The following RWDD3 variants were observed in gnomAD, a reference collection of about 807,000 sequenced individuals.
RWDD3 encodes RWD domain-containing protein 3.
Under a neutral mutation model 26.5 loss-of-function variants are expected in RWDD3, and 30 were observed. The ratio of observed to expected loss-of-function variants is 1.13; its 90% CI spans 0.85 to 1.54. RWDD3 has a LOEUF of 1.54. Ranked by LOEUF, RWDD3 falls within the 40% of genes most tolerant of loss-of-function variation. The pLI is 0.00. For missense variants in RWDD3, 296 were observed against 309.1 expected (o/e 0.96, Z 0.32); for synonymous variants, 113 against 114.5 (o/e 0.99, Z 0.09).
chr1:95,244,474 C>G lies in RWDD3; in HGVS notation c.349C>G (p.Gln117Glu), dbSNP rs1183283187. 1.2e-6 allele frequency: 2 copies of G among 1,614,192 alleles called. No homozygotes were observed. Among genetic ancestry groups the G allele is most frequent in the Non-Finnish European group, 1.7e-6 (2 of 1,180,028 alleles). The change falls in exon 2 of 4, where the codon CAA becomes GAA. Residue 117 changes from glutamine (Q) to glutamate (E), a missense_variant. Coordinates refer to ENST00000370202, the MANE Select transcript of RWDD3 (RefSeq NM_015485.5). ...IQQNLRHILS[Q>E]PETGSGSEKC... ...GCAGAATCTCAGGCATATCCTCAGCCAACCAGAAACTGGCAGTGGCAGTGA... is the reference window on the plus strand; with the variant it reads ...GCAGAATCTCAGGCATATCCTCAGCGAACCAGAAACTGGCAGTGGCAGTGA...
chr1:95,237,475 G>A (rs911731716), intron 1 of RWDD3: 3 of 152,200 alleles, frequency 2.0e-5, no homozygotes, highest in Admixed American at 6.5e-5. Flanking sequence ...GATTGAAGAA[G>A]CTAAATAATT....
At chr1:95,234,577 C>T (rs891806483) in intron 1 of RWDD3, among the ~76,000 whole-genome samples, 1 of 152,014 alleles carries the variant, frequency 6.6e-6, no homozygotes, top group Non-Finnish European at 1.5e-5. Context: ...GCCGGGGGCC[C>T]CTGCGTGCGC....
rs1680867703 is a variant in RWDD3 at position 95,246,752 on chromosome 1, G to T, written c.690-4G>T. On this transcript the variant is annotated splice_region_variant and splice_polypyrimidine_tract_variant and intron_variant, in intron 3 of 3. Transcript: ENST00000370202. ...TATTCATGAGTTTCTTTTGTATAAT[G>T]CAGGTTTCTGGCATTTGAAGTCAAA... is the stretch of plus-strand genomic sequence containing the variant. 3 of 1,553,694 alleles carry T rather than the reference G, an allele frequency of 1.9e-6. No individual in the cohort carries two copies. In the African/African-American group the frequency reaches 4.2e-5, roughly 22 times the overall value.
chr1:95,239,197 G>T lies in RWDD3; in HGVS notation c.85+4882G>T, dbSNP rs561516474. On this transcript the variant is annotated intron_variant, in intron 1 of 3. Coordinates refer to ENST00000370202, the MANE Select transcript of RWDD3 (RefSeq NM_015485.5). The stretch of plus-strand genomic sequence containing the variant: ...AGCTTATTAACTAAGGTTCTGGGGG[G>T]CTAAGGAGGGGCAGAGATTAGTATT... 2.6e-4 allele frequency among the ~76,000 whole-genome samples: 40 copies of T among 152,244 alleles called. 1 individual carries two copies. In the South Asian group the frequency reaches 4.8e-3, roughly 18 times the overall value.
At chr1:95,246,720 C>A in intron 3 of RWDD3, 36 bp from the exon 4 acceptor site, 2 of 1,530,442 alleles carry the variant, frequency 1.3e-6, no homozygotes, top group African/African-American at 1.4e-5. Context: ...TCTGACAAAT[C>A]TAGGCATATT....
rs1485548022 is a variant in RWDD3 at position 95,244,390 on chromosome 1, G to A, written c.265G>A (p.Glu89Lys). The part of the protein sequence containing the change: ...QCVTVKENLL[E>K]QAESLLSEPM... ...TGTGACTGTGAAAGAGAATTTACTT[G>A]AGCAAGCAGAGAGCCTTTTGTCGGA... The change falls in exon 2 of 4, where the codon GAG (glutamate) becomes AAG (lysine). Residue 89 changes from glutamate (E) to lysine (K), a missense_variant. Transcript: ENST00000370202. The A allele has an allele frequency of 6.2e-7, 1 of 1,614,150 alleles. No homozygotes were observed. The highest frequency in any genetic ancestry group is 1.1e-5 in the South Asian group (1 of 91,074).
chr1:95,234,293 G>T lies in RWDD3; in HGVS notation c.63G>T (p.Glu21Asp). 6.3e-7 allele frequency: 1 copy of T among 1,597,938 alleles called. No individual in the cohort carries two copies. ...VLAAIFCRPHEWEVLSRSETD... is the reference protein window; with the variant it reads ...VLAAIFCRPHDWEVLSRSETD... ...CCGCGATTTTCTGCAGGCCCCACGAGTGGGAGGTGCTGAGCCGCTCAGGTG... is the reference window on the plus strand; with the variant it reads ...CCGCGATTTTCTGCAGGCCCCACGATTGGGAGGTGCTGAGCCGCTCAGGTG... Residue 21 changes from glutamate to aspartate, a missense_variant, in exon 1 of 4, where the codon GAG becomes GAT. By Grantham distance (45) the Glu-to-Asp change is conservative. Transcript: ENST00000370202.
rs573085524 is a variant in RWDD3, at chr1:95,247,168, T to C, written c.*298T>C. 2.2e-5 allele frequency: 4 copies of C among 182,016 alleles called. No homozygotes were observed. Among genetic ancestry groups the C allele is most frequent in the South Asian group, 1.9e-4 (1 of 5,130 alleles). 11.3% of individuals were successfully genotyped at this position (182,016 alleles called of 1,614,324 possible). A position where few individuals can be genotyped will look rare whatever the true frequency, so the allele number is the denominator to read the frequency against. ...CTTGTTTTTATAGACAATATTTGTT[T>C]GAAACTATGTAATTTTCTGGCTAAT... is the stretch of plus-strand genomic sequence containing the variant. On this transcript the variant is annotated 3_prime_UTR_variant, in exon 4 of 4. Transcript: ENST00000370202.
At chr1:95,237,958 C>G (rs899347553) in intron 1 of RWDD3, among the ~76,000 whole-genome samples, 11 of 152,152 alleles carry the variant, frequency 7.2e-5, no homozygotes, top group Non-Finnish European at 1.2e-4. Flanking sequence ...CGATAATGAG[C>G]ACCCAGAGAA....
intron 1 of RWDD3, among the ~76,000 whole-genome samples, chr1:95,235,949 T>TG: frequency 6.6e-6 from 1 of 152,316 alleles, no homozygotes; most frequent in East Asian, 1.9e-4. Context: ...TGTACATGTT[T>TG]GGGGCATGAG....
intron 1 of RWDD3, among the ~76,000 whole-genome samples, chr1:95,239,336 A>G (rs890775203): frequency 6.6e-6 from 1 of 152,228 alleles, no homozygotes; most frequent in Admixed American, 6.5e-5. Flanking sequence ...AAAGAAAACA[A>G]AAAATCAGAC....
chr1:95,234,422 A>T, intron 1 of RWDD3, 107 bp downstream of exon 1: 1 of 1,004,722 alleles, frequency 1.0e-6, no homozygotes, highest in Non-Finnish European at 1.5e-6. Context: ...GGGCCCACGT[A>T]TGGGGACCGG....
At chr1:95,238,458 A>G (rs1680461233) in intron 1 of RWDD3, among the ~76,000 whole-genome samples, 1 of 151,806 alleles carries the variant, frequency 6.6e-6, no homozygotes, top group African/African-American at 2.4e-5. Flanking sequence ...AACTTATGTA[A>G]AAATCCAACT....
chr1:95,241,263 C>T (rs1680607178), intron 1 of RWDD3, among the ~76,000 whole-genome samples: 2 of 152,102 alleles, frequency 1.3e-5, no homozygotes, highest in Non-Finnish European at 2.9e-5. Context: ...AGTAAGGAGA[C>T]AGTGAACCCA....
Position 95,244,651 on chromosome 1 carries a change from G to T in RWDD3, c.526G>T (p.Gly176Cys). ...GCTGACAGGAAGACTGATGTTCATGGGTAAAATAATACTGATTTTACTACA... is the reference window on the plus strand; with the variant it reads ...GCTGACAGGAAGACTGATGTTCATGTGTAAAATAATACTGATTTTACTACA... Reference protein sequence around the residue: ...LRLTGRLMFMGKIILILLQGD... With the variant: ...LRLTGRLMFMCKIILILLQGD... The change falls in exon 2 of 4, where the codon GGT becomes TGT. Residue 176 changes from glycine to cysteine, a missense_variant. Gly to Cys is a radical substitution (Grantham distance 159). Transcript: ENST00000370202. 1.9e-6 allele frequency: 3 copies of T among 1,613,982 alleles called. No homozygotes were observed. Among genetic ancestry groups the T allele is most frequent in the Non-Finnish European group, 2.5e-6 (3 of 1,179,952 alleles).
chr1:95,244,173 T>A, intron 1 of RWDD3, 38 bp from the exon 2 acceptor site: 3 of 1,584,320 alleles, frequency 1.9e-6, no homozygotes, highest in Non-Finnish European at 2.6e-6. Context: ...TCAAATTGAA[T>A]AATGTACAGC....
In RWDD3 at chr1:95,246,589, T is replaced by A; in HGVS notation, c.621T>A (p.Ser207Arg). 6.2e-7 allele frequency: 1 copy of A among 1,612,776 alleles called. No individual in the cohort carries two copies. Among genetic ancestry groups the A allele is most frequent in the Non-Finnish European group, 8.5e-7 (1 of 1,179,192 alleles). Residue 207 changes from serine (S) to arginine (R), a missense_variant, in exon 3 of 4, where the codon AGT becomes AGA. Ser to Arg is a moderately radical substitution (Grantham distance 110, BLOSUM62 -1). Transcript: ENST00000370202. ...QKTSKVDVDSSGKKCKEKMIS... is the reference protein window; with the variant it reads ...QKTSKVDVDSRGKKCKEKMIS... ...CCTCCAAAGTAGATGTGGACTCAAGTGGAAAGAAATGCAAAGAGAAAATGA... is the reference window on the plus strand; with the variant it reads ...CCTCCAAAGTAGATGTGGACTCAAGAGGAAAGAAATGCAAAGAGAAAATGA...
At chr1:95,240,046 T>C in intron 1 of RWDD3, 1 of 749,232 alleles carries the variant, frequency 1.3e-6, no homozygotes, top group South Asian at 1.7e-5. Flanking sequence ...AAAATCTCTG[T>C]CTCCTCCTTA....
rs368313216 is a variant in RWDD3 at position 95,244,630 on chromosome 1, A to G, written c.505A>G (p.Thr169Ala). The part of the protein sequence containing the change: ...VEKWASDLRL[T>A]GRLMFMGKII... ...GAAGTGGGCTTCAGATTTAAGGCTGACAGGAAGACTGATGTTCATGGGTAA... is the reference window on the plus strand; with the variant it reads ...GAAGTGGGCTTCAGATTTAAGGCTGGCAGGAAGACTGATGTTCATGGGTAA... Residue 169 changes from threonine to alanine, a missense_variant, in exon 2 of 4, where the codon ACA becomes GCA. Thr to Ala is a moderately conservative substitution (Grantham distance 58). Coordinates refer to ENST00000370202, the MANE Select transcript of RWDD3 (RefSeq NM_015485.5). The G allele has an allele frequency of 1.2e-6, 2 of 1,614,212 alleles. No individual in the cohort carries two copies. Among genetic ancestry groups the G allele is most frequent in the Non-Finnish European group, 1.7e-6 (2 of 1,180,022 alleles).
Sources: allele counts gnomAD v4.1 joint callset (sites outside exome capture counted in the v4.1 genomes callset), GRCh38; gene constraint gnomAD v4.1.1; transcripts MANE v1.5; gene names NCBI Gene and HGNC (gene_info 2026-07-23, HGNC 2026-07-21).